CIRBP: variants seen among roughly 807,000 people sequenced by gnomAD.
CIRBP encodes the protein cold inducible RNA binding protein.
CIRBP carries 11 observed loss-of-function variants against 22.3 expected under a neutral mutation model. The ratio of observed to expected loss-of-function variants is 0.49; its 90% CI spans 0.31 to 0.82. CIRBP has a LOEUF of 0.82. Ranked by LOEUF, CIRBP falls within the 40% of genes least tolerant of loss-of-function variation. CIRBP has a pLI of 0.05. For missense variants in CIRBP, 456 were observed against 402.7 expected, an observed-to-expected ratio of 1.13 and a Z score of -1.13; for synonymous variants, 216 against 158.8, an observed-to-expected ratio of 1.36 and a Z score of -2.71.
intron 5 of CIRBP, 152 bp from the exon 6 acceptor site, chr19:1,271,829 G>A: frequency 1.3e-6 from 1 of 754,952 alleles, no homozygotes; most frequent in Non-Finnish European, 2.2e-6. Flanking sequence ...GGCTGGTGGA[G>A]ATTTTGAACA....
In CIRBP at chr19:1,272,338, C is replaced by T. The variant is rs759203834; in HGVS notation, c.789C>T (p.Gly263=). 2 of 1,613,574 alleles carry T rather than the reference C, an allele frequency of 1.2e-6. No homozygotes were observed. Among genetic ancestry groups the T allele is most frequent in the Non-Finnish European group, 1.7e-6 (2 of 1,179,762 alleles). ...SLGCGGWLLP[G]RRPRPGLASG... is the part of the protein sequence containing the mutation. ...GCTGTGGGGGGTGGTTGCTCCCCGG[C>T]CGCAGGCCGCGCCCTGGTCTGGCCT... is the stretch of plus-strand genomic sequence containing the variant. The change falls in exon 6 of 6, where the codon GGC becomes GGT. Residue 263 remains glycine, a synonymous_variant. Transcript: ENST00000587896.
Position 1,272,376 on chromosome 19 carries a change from T to C in CIRBP, c.827T>C (p.Leu276Pro), listed in dbSNP as rs1413854445. 1 of 1,602,768 alleles carries C rather than the reference T, an allele frequency of 6.2e-7. No individual in the cohort carries two copies. The highest frequency in any genetic ancestry group is 2.2e-5 in the East Asian group (1 of 44,746). Residue 276 changes from leucine to proline, a missense_variant, in exon 6 of 6, where the codon CTG becomes CCG. Physicochemically the swap from Leu to Pro is moderately conservative, Grantham distance 98 (BLOSUM62 -3). Transcript: ENST00000587896. ...PRPGLASGVK[L>P]PLVASVPLHC... Reference sequence around the variant, plus strand: ...CCTGGTCTGGCCTCTGGGGTGAAGCTGCCTCTTGTTGCTTCGGTGCCTTTA... The same window carrying C: ...CCTGGTCTGGCCTCTGGGGTGAAGCCGCCTCTTGTTGCTTCGGTGCCTTTA...
chr19:1,271,402 G>T lies in CIRBP; in HGVS notation c.284G>T (p.Gly95Val), dbSNP rs1424869551. ...SSDNRSRGYR[G>V]GSAGGRGFFR... ...GACAACCGATCCCGTGGGTACCGTG[G>T]TGGCTCTGCCGGGGGCCGGGGCTTC... Residue 95 changes from glycine to valine, a missense_variant, in exon 4 of 6, where the codon GGT becomes GTT. Transcript: ENST00000587896. 4.3e-6 allele frequency: 7 copies of T among 1,613,726 alleles called. No individual in the cohort carries two copies. The highest frequency in any genetic ancestry group is 5.9e-6 in the Non-Finnish European group (7 of 1,180,004).
Position 1,272,743 on chromosome 19 carries a change from T to C in CIRBP, c.*300T>C. ...CAAAAAAATCGGGGGTTGTGTGGGT[T>C]TTTGGTTTTTGTTTTAGTTTTTGGT... On this transcript the variant is annotated 3_prime_UTR_variant, in exon 6 of 6. Transcript: ENST00000587896. 1 of 281,120 alleles carries C rather than the reference T, an allele frequency of 3.6e-6. No homozygotes were observed. Among genetic ancestry groups the C allele is most frequent in the South Asian group, 1.1e-4 (1 of 8,976 alleles). 17.4% of individuals were successfully genotyped at this position (281,120 alleles called of 1,614,324 possible).
In CIRBP at chr19:1,272,252, G is replaced by C; in HGVS notation, c.703G>C (p.Glu235Gln). 6.2e-7 allele frequency: 1 copy of C among 1,607,692 alleles called. No homozygotes were observed. The highest frequency in any genetic ancestry group is 8.5e-7 in the Non-Finnish European group (1 of 1,177,590). ...TGAGACTGACCAAAAAGGCAAGGGA[G>C]AGCGAGGGCCCGCTGGGCAGTCAGC... ...PNETDQKGKG[E>Q]RGPAGQSARC... The change falls in exon 6 of 6, where the codon GAG (glutamate) becomes CAG (glutamine). Residue 235 changes from glutamate (E) to glutamine (Q), a missense_variant. Around this residue, in one of 2 missense-constraint regions of CIRBP, gnomAD observed 426 missense variants for 339.6 expected, o/e 1.25. Coordinates refer to ENST00000587896, the MANE Select transcript of CIRBP (RefSeq NM_001300829.2).
intron 1 of CIRBP, chr19:1,269,920 C>T (rs767873097): frequency 7.7e-6 from 4 of 519,960 alleles, no homozygotes; most frequent in Non-Finnish European, 1.5e-5. Context: ...AGTGTGGTTC[C>T]TCGTCTGCCA....
At chr19:1,270,107 C>G (rs1186794648) in intron 1 of CIRBP, 1 of 519,396 alleles carries the variant, frequency 1.9e-6, no homozygotes, top group South Asian at 1.4e-5. Flanking sequence ...ACTTCCCCTG[C>G]CTGGAAATCC....
In CIRBP at chr19:1,274,360, C is replaced by T. The variant is rs1436509864; in HGVS notation, c.*1917C>T. On this transcript the variant is annotated 3_prime_UTR_variant, in exon 6 of 6. Transcript: ENST00000587896. ...AAGGGTGGCCTGAGAGCAGCGATGA[C>T]CTCTGGGGTCACTGTCCCAGGAGGG... 3.5e-5 allele frequency: 14 copies of T among 401,068 alleles called. No individual in the cohort carries two copies. Among genetic ancestry groups the T allele is most frequent in the Admixed American group, 2.2e-4 (5 of 22,718 alleles). The allele number at this position is 401,068 out of a possible 1,614,324, so 24.8% of individuals were successfully genotyped here.
chr19:1,270,819 A>G (rs560204497), intron 1 of CIRBP, 109 bp from the exon 2 acceptor site: 2 of 806,118 alleles, frequency 2.5e-6, no homozygotes, highest in South Asian at 3.1e-5. Flanking sequence ...TAAAAATCTG[A>G]TTTTCTAATA....
At chr19:1,269,946 C>T (rs781153855) in intron 1 of CIRBP, 3 of 519,920 alleles carry the variant, frequency 5.8e-6, no homozygotes, top group South Asian at 4.2e-5. Flanking sequence ...TGCTTTGCGC[C>T]CAAAGTTTGG....
chr19:1,270,262 C>G (rs2081316629), intron 1 of CIRBP: 2 of 383,712 alleles, frequency 5.2e-6, no homozygotes, highest in Middle Eastern at 3.8e-4. Context: ...AGGCATTTTA[C>G]AGTGAGCAGA....
At chr19:1,269,842 C>T (rs373965892) in intron 1 of CIRBP, 9 of 519,602 alleles carry the variant, frequency 1.7e-5, no homozygotes, top group East Asian at 1.1e-4. Context: ...TAGTTTCCTC[C>T]TTTTCCCATT....
rs561627041 is a variant in CIRBP at position 1,274,615 on chromosome 19, G to C, written c.*2172G>C. On this transcript the variant is annotated 3_prime_UTR_variant, in exon 6 of 6. Transcript: ENST00000587896. ...GCGCCGGGTCCCCCGCCTGGAGCCC[G>C]CGCCTGTTCTCCCTCCCTTCCTCCT... 23 of 283,096 alleles carry C rather than the reference G, an allele frequency of 8.1e-5. No homozygotes were observed. The highest frequency in any genetic ancestry group is 1.2e-4 in the Non-Finnish European group (18 of 152,732). 17.5% of individuals were successfully genotyped at this position (283,096 alleles called of 1,614,324 possible).
chr19:1,269,589 T>TCC (rs1291547626), intron 1 of CIRBP, among the ~76,000 whole-genome samples, 179 bp downstream of exon 1: 1 of 150,672 alleles, frequency 6.6e-6, no homozygotes, highest in Non-Finnish European at 1.5e-5. Context: ...AGAGGGCCTC[T>TCC]CCCCGCCGGT....
chr19:1,271,306 C>G (rs2081335235), intron 3 of CIRBP, 23 bp from the exon 4 acceptor site: 2 of 1,614,050 alleles, frequency 1.2e-6, no homozygotes, highest in East Asian at 2.2e-5. Flanking sequence ...CACCTGCTAA[C>G]CCGTCCCGCC....
intron 1 of CIRBP, chr19:1,270,040 T>C (rs1405913703): frequency 1.9e-6 from 1 of 519,914 alleles, no homozygotes; most frequent in East Asian, 5.4e-5. Context: ...AGCCAGTGAA[T>C]GCTTTGTCTG....
In CIRBP at chr19:1,272,309, C is replaced by T; in HGVS notation, c.760C>T (p.Leu254Phe). ...RCMCGRRPAS[L>F]GCGGWLLPGR... The stretch of plus-strand genomic sequence containing the variant: ...CATGTGTGGCCGCAGGCCAGCCTCC[C>T]TCGGCTGTGGGGGGTGGTTGCTCCC... The change falls in exon 6 of 6, where the codon CTC becomes TTC. Residue 254 changes from leucine to phenylalanine, a missense_variant. Transcript: ENST00000587896. 4 of 1,613,758 alleles carry T rather than the reference C, an allele frequency of 2.5e-6. No homozygotes were observed. The highest frequency in any genetic ancestry group is 3.4e-6 in the Non-Finnish European group (4 of 1,179,920).
rs2081335995 is a variant in CIRBP at position 1,271,338 on chromosome 19, G to A, written c.220G>A (p.Gly74Arg). 6.2e-7 allele frequency: 1 copy of A among 1,613,932 alleles called. No individual in the cohort carries two copies. Among genetic ancestry groups the A allele is most frequent in the Admixed American group, 1.7e-5 (1 of 60,006 alleles). Residue 74 changes from glycine to arginine, a missense_variant, in exon 4 of 6, where the codon GGA (glycine) becomes AGA (arginine). Coordinates refer to ENST00000587896, the MANE Select transcript of CIRBP (RefSeq NM_001300829.2). ...CGCCCTCTGTCTCCAGTCTGTAGATGGACGGCAGATCCGAGTAGACCAGGC... is the reference window on the plus strand; with the variant it reads ...CGCCCTCTGTCTCCAGTCTGTAGATAGACGGCAGATCCGAGTAGACCAGGC... ...MMAMNGKSVDGRQIRVDQAGK... is the reference protein window; with the variant it reads ...MMAMNGKSVDRRQIRVDQAGK...
Position 1,274,358 on chromosome 19 carries a change from G to C in CIRBP, c.*1915G>C. On this transcript the variant is annotated 3_prime_UTR_variant, in exon 6 of 6. Transcript: ENST00000587896. The stretch of plus-strand genomic sequence containing the variant: ...GGAAGGGTGGCCTGAGAGCAGCGAT[G>C]ACCTCTGGGGTCACTGTCCCAGGAG... 1 of 401,060 alleles carries C rather than the reference G, an allele frequency of 2.5e-6. No individual in the cohort carries two copies. The highest frequency in any genetic ancestry group is 3.6e-5 in the East Asian group (1 of 28,088). The allele number at this position is 401,060 out of a possible 1,614,324, so 24.8% of individuals were successfully genotyped here.
Sources: allele counts gnomAD v4.1 joint callset (sites outside exome capture counted in the v4.1 genomes callset), GRCh38; gene constraint gnomAD v4.1.1; regional missense constraint gnomAD v4.1.1; transcripts MANE v1.5; gene names NCBI Gene and HGNC (gene_info 2026-07-23, HGNC 2026-07-21).